VOPP1: variants seen among roughly 807,000 people sequenced by gnomAD.
VOPP1 encodes VOPP1 WW domain binding protein, also known as WW domain binding protein VOPP1.
Under a neutral mutation model 23.5 loss-of-function variants are expected in VOPP1, and 8 were observed. The observed-to-expected ratio is 0.34, with a 90% CI of 0.20 to 0.61. The LOEUF is 0.61. VOPP1 is among the 20% of genes least tolerant of loss of function. The probability of loss-of-function intolerance (pLI) is 0.78; values close to 1 mark genes in which losing one functional copy is unlikely to be tolerated. For missense variants in VOPP1, 174 were observed against 238.1 expected, an observed-to-expected ratio of 0.73 and a Z score of 1.77; for synonymous variants, 83 against 97.3, an observed-to-expected ratio of 0.85 and a Z score of 0.86.
At chr7:55,462,855 A>G (rs1047059158) in intron 4 of VOPP1, among the ~76,000 whole-genome samples, 9 of 147,880 alleles carry the variant, frequency 6.1e-5, no homozygotes, top group Non-Finnish European at 1.4e-4. Flanking sequence ...ACGGGGTTTC[A>G]CCGTTTTAGC....
intron 4 of VOPP1, among the ~76,000 whole-genome samples, chr7:55,460,714 T>C (rs558343063): frequency 6.6e-6 from 1 of 152,356 alleles, no homozygotes; most frequent in African/African-American, 2.4e-5. Context: ...GATCCATTTG[T>C]CATATATAAT....
At chr7:55,525,017 G>A (rs568633615) in intron 1 of VOPP1, among the ~76,000 whole-genome samples, 6 of 152,048 alleles carry the variant, frequency 3.9e-5, no homozygotes, top group African/African-American at 1.4e-4. Context: ...ACAAGCAAGC[G>A]GGAAGAGGCA....
chr7:55,546,016 G>A (rs149752723), intron 1 of VOPP1, among the ~76,000 whole-genome samples: 117 of 152,236 alleles, frequency 7.7e-4, no homozygotes, highest in African/African-American at 1.2e-3. Context: ...GCGATGAGCC[G>A]TGATTGCACC....
intron 1 of VOPP1, chr7:55,527,016 G>C (rs1278025461): frequency 1.3e-5 from 2 of 152,250 alleles, no homozygotes; most frequent in Non-Finnish European, 2.9e-5. Flanking sequence ...CACAGGCTGA[G>C]AACAAAGGGA....
At chr7:55,572,081 G>A (rs1798382659) in intron 1 of VOPP1, among the ~76,000 whole-genome samples, 190 bp downstream of exon 1, 1 of 152,076 alleles carries the variant, frequency 6.6e-6, no homozygotes, top group African/African-American at 2.4e-5. Flanking sequence ...CGCGGACCGG[G>A]GCGGGAGCCT....
chr7:55,552,801 A>G (rs997945856), intron 1 of VOPP1: 3 of 1,496,376 alleles, frequency 2.0e-6, no homozygotes, highest in South Asian at 2.6e-5. Context: ...GAAACCTCCC[A>G]TGGGCTGAGT....
At chr7:55,513,360 T>C (rs1795204873) in intron 2 of VOPP1, among the ~76,000 whole-genome samples, 1 of 152,192 alleles carries the variant, frequency 6.6e-6, no homozygotes, top group Admixed American at 6.5e-5. Context: ...TATCTTCCCC[T>C]TATCCAGCGG....
At position 55,472,141 on chromosome 7, in the gene VOPP1, A is replaced by T; in HGVS notation, c.*714T>A. The stretch of plus-strand genomic sequence containing the variant: ...ATGCAATGTCTCAGTTTGGGGCAGG[A>T]AGTGATTTCCCATGAATTTAAATAA... On this transcript the variant is annotated 3_prime_UTR_variant, in exon 5 of 5. Transcript: ENST00000285279. The T allele has an allele frequency of 6.6e-6, 1 of 151,810 alleles. No homozygotes were observed. Among genetic ancestry groups the T allele is most frequent in the East Asian group, 1.9e-4 (1 of 5,174 alleles). The allele number at this position is 151,810 out of a possible 1,614,324, so 9.4% of individuals were successfully genotyped here. A position where few individuals can be genotyped will look rare whatever the true frequency, so the allele number is the denominator to read the frequency against.
At chr7:55,500,761 G>A (rs1265603910) in intron 2 of VOPP1, among the ~76,000 whole-genome samples, 2 of 152,212 alleles carry the variant, frequency 1.3e-5, no homozygotes, top group Non-Finnish European at 2.9e-5. Flanking sequence ...TATTATTAGT[G>A]CCATGTTTGA....
chr7:55,477,652 G>A (rs766797686), intron 4 of VOPP1, among the ~76,000 whole-genome samples: 57 of 152,298 alleles, frequency 3.7e-4, no homozygotes, highest in South Asian at 8.3e-4. Flanking sequence ...CAGTCTAATC[G>A]GTATCTTCGT....
At chr7:55,541,253 A>G (rs1797121386) in intron 1 of VOPP1, among the ~76,000 whole-genome samples, 3 of 152,330 alleles carry the variant, frequency 2.0e-5, no homozygotes, top group African/African-American at 4.8e-5. Context: ...GAATTATATG[A>G]TACTTAAATT....
chr7:55,460,673 G>T (rs750285870), intron 4 of VOPP1, among the ~76,000 whole-genome samples: 1 of 152,156 alleles, frequency 6.6e-6, no homozygotes, highest in East Asian at 1.9e-4. Flanking sequence ...AATTACTTTT[G>T]TACCAATCTA....
At chr7:55,534,974 G>C (rs1328910596) in intron 1 of VOPP1, among the ~76,000 whole-genome samples, 1 of 152,256 alleles carries the variant, frequency 6.6e-6, no homozygotes, top group Non-Finnish European at 1.5e-5. Flanking sequence ...TGAGCTTGCT[G>C]ATGGGAGAAG....
intron 1 of VOPP1, among the ~76,000 whole-genome samples, chr7:55,521,362 A>G (rs1795842305): frequency 6.6e-6 from 1 of 152,104 alleles, no homozygotes; most frequent in Non-Finnish European, 1.5e-5. Flanking sequence ...CTCTATATAC[A>G]CTGAGTGTCA....
rs551364361 is a variant in VOPP1 at position 55,572,447 on chromosome 7, G to A, written c.-123C>T. The A allele has an allele frequency of 8.6e-5, 57 of 664,658 alleles. No homozygotes were observed. The highest frequency in any genetic ancestry group is 1.4e-3 in the Middle Eastern group (2 of 1,428). 41.2% of individuals were successfully genotyped at this position (664,658 alleles called of 1,614,324 possible). On this transcript the variant is annotated 5_prime_UTR_variant, in exon 1 of 5. Transcript: ENST00000285279. ...GAGCCGTCCCGCCGACCGCTGGGGG[G>A]CCCGGCTGGGAGCGGGCGGGAGCCG...
intron 2 of VOPP1, among the ~76,000 whole-genome samples, chr7:55,512,891 A>C (rs1439800552): frequency 6.6e-6 from 1 of 151,794 alleles, no homozygotes; most frequent in Non-Finnish European, 1.5e-5. Flanking sequence ...CCTGGGACTG[A>C]CTCTGGCACC....
intron 1 of VOPP1, chr7:55,537,745 G>A (rs963693733): frequency 1.7e-5 from 23 of 1,391,962 alleles, no homozygotes; most frequent in Non-Finnish European, 2.1e-5. Flanking sequence ...GTGACAGTGT[G>A]AAAAGCAGGT....
At chr7:55,476,443 G>T (rs1032729924) in intron 4 of VOPP1, among the ~76,000 whole-genome samples, 2 of 150,050 alleles carry the variant, frequency 1.3e-5, no homozygotes, top group Non-Finnish European at 3.0e-5. Context: ...GGGGTGGGCG[G>T]GGGGGCTGGG....
intron 1 of VOPP1, among the ~76,000 whole-genome samples, chr7:55,531,192 A>G (rs1231578128): frequency 6.6e-6 from 1 of 152,262 alleles, no homozygotes; most frequent in Non-Finnish European, 1.5e-5. Context: ...ACTTCATTAG[A>G]ATAGCCTGAA....
Sources: allele counts gnomAD v4.1 joint callset (sites outside exome capture counted in the v4.1 genomes callset), GRCh38; gene constraint gnomAD v4.1.1; transcripts MANE v1.5; gene names NCBI Gene and HGNC (gene_info 2026-07-23, HGNC 2026-07-21).